The following SLC17A5 variants were observed in gnomAD, a reference collection of about 807,000 sequenced individuals.
SLC17A5 encodes sialin.
Under a neutral mutation model 59.4 loss-of-function variants are expected in SLC17A5, and 47 were observed. That is an observed-to-expected ratio of 0.79 (90% CI 0.63 to 1.01). The LOEUF is 1.01. Ranked by LOEUF, SLC17A5 falls within the 50% of genes least tolerant of loss-of-function variation. The pLI is 0.00. For missense variants in SLC17A5, 522 were observed against 595.5 expected, an observed-to-expected ratio of 0.88 and a Z score of 1.28; for synonymous variants, 202 against 210.7, an observed-to-expected ratio of 0.96 and a Z score of 0.36.
intron 9 of SLC17A5, among the ~76,000 whole-genome samples, chr6:73,601,412 G>T (rs1392962549): frequency 1.4e-5 from 2 of 143,984 alleles, no homozygotes; most frequent in Non-Finnish European, 3.1e-5. Flanking sequence ...GGAGGGAGGT[G>T]GGGGGGTCAG....
chr6:73,626,769 ATAAC>A (rs918453150), intron 6 of SLC17A5, among the ~76,000 whole-genome samples: 1 of 152,184 alleles, frequency 6.6e-6, no homozygotes, highest in African/African-American at 2.4e-5. Flanking sequence ...GTGTGACTGA[ATAAC>A]TAAATTTTTT....
chr6:73,632,365 T>C (rs1238528966), intron 6 of SLC17A5, among the ~76,000 whole-genome samples: 1 of 148,774 alleles, frequency 6.7e-6, no homozygotes, highest in Non-Finnish European at 1.5e-5. Context: ...TGAATATTCC[T>C]TTTTCCGAAG....
intron 9 of SLC17A5, among the ~76,000 whole-genome samples, chr6:73,601,134 T>C (rs1398276221): frequency 2.7e-5 from 4 of 149,064 alleles, no homozygotes; most frequent in Admixed American, 6.7e-5. Context: ...ATCTGGGAAG[T>C]GAGGAGCGTC....
Position 73,644,573 on chromosome 6 carries a change from A to G in SLC17A5, c.125T>C (p.Leu42Ser). ...GAAACCAAAAAAGGCCAAAATTGCT[A>G]AGTTGTAACGAGCAGAGCAGCACAC... ...APVCCSARYN[L>S]AILAFFGFFI... Residue 42 changes from leucine to serine, a missense_variant, in exon 2 of 11, where the codon TTA (leucine) becomes TCA (serine). Around this residue, in one of 3 missense-constraint regions of SLC17A5, gnomAD observed 338 missense variants for 363.8 expected, o/e 0.93. Coordinates refer to ENST00000355773, the MANE Select transcript of SLC17A5 (RefSeq NM_012434.5). 2 of 1,614,164 alleles carry G rather than the reference A, an allele frequency of 1.2e-6. No homozygotes were observed. Among genetic ancestry groups the G allele is most frequent in the Non-Finnish European group, 1.7e-6 (2 of 1,179,998 alleles).
At chr6:73,640,148 G>A (rs1199126396) in intron 3 of SLC17A5, among the ~76,000 whole-genome samples, 1 of 152,138 alleles carries the variant, frequency 6.6e-6, no homozygotes, top group African/African-American at 2.4e-5. Flanking sequence ...GGCATAAACT[G>A]GAAGTAAAAT....
At chr6:73,596,670 C>T (rs1480577380) in intron 10 of SLC17A5, among the ~76,000 whole-genome samples, 10 of 151,526 alleles carry the variant, frequency 6.6e-5, no homozygotes, top group Non-Finnish European at 1.5e-4. Context: ...TCCTGGCTAA[C>T]ATGGTGAAAC....
At chr6:73,643,775 C>A (rs1277629914) in intron 2 of SLC17A5, among the ~76,000 whole-genome samples, 1 of 152,200 alleles carries the variant, frequency 6.6e-6, no homozygotes, top group Non-Finnish European at 1.5e-5. Flanking sequence ...CTGCACCCAG[C>A]CTGCAAATGT....
intron 6 of SLC17A5, among the ~76,000 whole-genome samples, chr6:73,624,101 A>G (rs536297590): frequency 6.6e-6 from 1 of 152,002 alleles, no homozygotes; most frequent in African/African-American, 2.4e-5. Context: ...CCCTTTAAAT[A>G]TTATTATATC....
chr6:73,596,552 G>C (rs916904938), intron 10 of SLC17A5, among the ~76,000 whole-genome samples: 1 of 152,172 alleles, frequency 6.6e-6, no homozygotes, highest in African/African-American at 2.4e-5. Context: ...GACTACATTT[G>C]CAGCATTAAC....
chr6:73,643,486 AT>A (rs1562000446), intron 2 of SLC17A5, among the ~76,000 whole-genome samples: 1 of 148,666 alleles, frequency 6.7e-6, no homozygotes, highest in Non-Finnish European at 1.5e-5. Context: ...TTATTTATTT[AT>A]TTTTTTGAGA....
intron 9 of SLC17A5, 58 bp downstream of exon 9, chr6:73,610,342 G>A: frequency 6.3e-7 from 1 of 1,597,984 alleles, no homozygotes; most frequent in Non-Finnish European, 8.6e-7. Flanking sequence ...CCTTTTATCA[G>A]GATTTTTAAA....
intron 1 of SLC17A5, chr6:73,645,479 G>A: frequency 2.0e-6 from 2 of 985,150 alleles, no homozygotes; most frequent in South Asian, 9.4e-5. Flanking sequence ...ATCAGTGAAT[G>A]TACCACCATG....
At chr6:73,597,792 G>GAAAC (rs1457573919) in intron 10 of SLC17A5, among the ~76,000 whole-genome samples, 2 of 151,712 alleles carry the variant, frequency 1.3e-5, no homozygotes, top group Non-Finnish European at 2.9e-5. Context: ...AAAAAACAAA[G>GAAAC]AAACAAACAA....
At chr6:73,649,195 A>C (rs1346079702) in intron 1 of SLC17A5, among the ~76,000 whole-genome samples, 1 of 152,104 alleles carries the variant, frequency 6.6e-6, no homozygotes, top group Non-Finnish European at 1.5e-5. Flanking sequence ...ACAGGATTTC[A>C]CCATGTTAGC....
At chr6:73,653,582 C>T in intron 1 of SLC17A5, 3 of 778,438 alleles carry the variant, frequency 3.9e-6, no homozygotes, top group East Asian at 1.3e-4. Flanking sequence ...ATCACGGTCG[C>T]GGCCCCCGGG....
intron 7 of SLC17A5, among the ~76,000 whole-genome samples, chr6:73,616,383 C>T (rs1014164163): frequency 1.3e-5 from 2 of 152,092 alleles, no homozygotes; most frequent in Non-Finnish European, 2.9e-5. Context: ...CTAGACACTT[C>T]GATTTAGTCT....
intron 7 of SLC17A5, among the ~76,000 whole-genome samples, chr6:73,617,595 G>A (rs1344391807): frequency 6.6e-6 from 1 of 152,246 alleles, no homozygotes; most frequent in Non-Finnish European, 1.5e-5. Flanking sequence ...TGTAATCCCA[G>A]CACTTTGGGA....
intron 5 of SLC17A5, among the ~76,000 whole-genome samples, 154 bp downstream of exon 5, chr6:73,636,467 A>C (rs1466108812): frequency 1.3e-5 from 2 of 152,198 alleles, no homozygotes; most frequent in Admixed American, 6.5e-5. Context: ...AAATAGGTCA[A>C]GTAAATCATA....
At chr6:73,601,787 G>C (rs1205186841) in intron 9 of SLC17A5, among the ~76,000 whole-genome samples, 1 of 145,598 alleles carries the variant, frequency 6.9e-6, no homozygotes, top group Admixed American at 6.7e-5. Context: ...CCCTCTGCCC[G>C]GCCAGCCGCT....
Sources: gnomAD v4.1 joint callset for allele counts (sites outside exome capture counted in the v4.1 genomes callset) on GRCh38, gnomAD v4.1.1 for gene constraint, gnomAD v4.1.1 regional missense constraint, MANE v1.5 for transcripts, NCBI Gene and HGNC (gene_info 2026-07-23, HGNC 2026-07-21) for gene names.